FOXP1: variants seen among roughly 807,000 people sequenced by gnomAD.
FOXP1 encodes the protein forkhead box P1.
A neutral mutation model predicts 98.2 loss-of-function variants in FOXP1; 15 were observed. The observed-to-expected ratio is 0.15, with a 90% CI of 0.10 to 0.24. The LOEUF (loss-of-function observed/expected upper bound fraction) is 0.24. Among genes scored for constraint, FOXP1 ranks in the 10% least tolerant of loss-of-function variants. The pLI is 1.00. For synonymous variants in FOXP1, 371 were observed against 314.5 expected (o/e 1.18, Z -1.90); for missense variants, 633 against 848.5 (o/e 0.75, Z 3.15).
chr3:71,125,051 G>A lies in FOXP1; in HGVS notation c.181-12414C>T, dbSNP rs2059061951. 2.6e-5 allele frequency among the ~76,000 whole-genome samples: 4 copies of A among 152,160 alleles called. No individual in the cohort carries two copies. The South Asian group carries it at 8.3e-4, about 32-fold the overall frequency. Reference sequence around the variant, plus strand: ...GGTGAGAATCCTGGCTCTTTCCAATGGCAAATGTACTTGAGCAACTATGAC... The same window carrying A: ...GGTGAGAATCCTGGCTCTTTCCAATAGCAAATGTACTTGAGCAACTATGAC... On this transcript the variant is annotated intron_variant, in intron 6 of 20. Transcript: ENST00000649528.
intron 2 of FOXP1, among the ~76,000 whole-genome samples, chr3:71,516,499 A>G (rs2042591330): frequency 6.6e-6 from 1 of 152,192 alleles, no homozygotes; most frequent in African/African-American, 2.4e-5. Flanking sequence ...TTCCTAAAAT[A>G]TATTATCTTG....
chr3:71,209,181 A>C (rs941803625), intron 5 of FOXP1, among the ~76,000 whole-genome samples: 3 of 152,206 alleles, frequency 2.0e-5, no homozygotes, highest in Non-Finnish European at 2.9e-5. Context: ...CTCAGTCAAT[A>C]CCCTTTTATT....
At chr3:71,357,466 T>C (rs75764230) in intron 4 of FOXP1, among the ~76,000 whole-genome samples, 2,074 of 152,322 alleles carry the variant, frequency 0.014, 87 homozygotes, top group East Asian at 0.13. Flanking sequence ...ATTAAACATG[T>C]AAGCAAAATT....
intron 4 of FOXP1, among the ~76,000 whole-genome samples, chr3:71,352,482 A>AC (rs1553854476): frequency 6.7e-6 from 1 of 148,204 alleles, no homozygotes; most frequent in Non-Finnish European, 1.5e-5. Flanking sequence ...AAAAAAAAAA[A>AC]AAAAAAAAAA....
intron 4 of FOXP1, among the ~76,000 whole-genome samples, chr3:71,301,344 A>G (rs1397075507): frequency 6.6e-6 from 1 of 152,170 alleles, no homozygotes; most frequent in Admixed American, 6.5e-5. Flanking sequence ...AGAAAGAAAA[A>G]CAGAGCAAAG....
At chr3:71,269,515 T>C (rs2070115577) in intron 5 of FOXP1, among the ~76,000 whole-genome samples, 1 of 152,186 alleles carries the variant, frequency 6.6e-6, no homozygotes, top group Non-Finnish European at 1.5e-5. Flanking sequence ...CTCCCCACTC[T>C]TCTAAGTAAG....
chr3:71,144,726 C>G (rs571446884), intron 6 of FOXP1, among the ~76,000 whole-genome samples: 1 of 152,168 alleles, frequency 6.6e-6, no homozygotes, highest in South Asian at 2.1e-4. Context: ...CAGGGGGGTA[C>G]AGAGTATGAG....
In FOXP1 at chr3:71,166,228, G is replaced by A. The variant is rs148637114; in HGVS notation, c.180+31974C>T. ...AAGAAAAGGCAGCCCTTGCCTTCAA[G>A]GAGCTTACAGTCTTATGAGAGGAAA... On this transcript the variant is annotated intron_variant, in intron 6 of 20. Transcript: ENST00000649528. Among the ~76,000 whole-genome samples the A allele has an allele frequency of 5.9e-5, 9 of 152,242 alleles. No homozygotes were observed. The East Asian group carries it at 1.7e-3, about 29-fold the overall frequency.
At chr3:71,333,319 G>A (rs1393248421) in intron 4 of FOXP1, 3 of 152,044 alleles carry the variant, frequency 2.0e-5, no homozygotes, top group Non-Finnish European at 4.4e-5. Flanking sequence ...CAGCCACCCT[G>A]CTAAAAGTTC....
intron 7 of FOXP1, among the ~76,000 whole-genome samples, chr3:71,063,998 G>C (rs187304644): frequency 6.6e-6 from 1 of 152,282 alleles, no homozygotes; most frequent in Non-Finnish European, 1.5e-5. Flanking sequence ...TCTGACAGTT[G>C]AGTTAGCTAC....
intron 3 of FOXP1, among the ~76,000 whole-genome samples, chr3:71,429,257 C>A (rs1262406837): frequency 1.3e-5 from 2 of 152,088 alleles, no homozygotes; most frequent in Non-Finnish European, 2.9e-5. Context: ...ATGGGAGGGT[C>A]TGGGTTCTGT....
At chr3:71,457,727 A>AT (rs2108523727) in intron 3 of FOXP1, among the ~76,000 whole-genome samples, 1 of 152,334 alleles carries the variant, frequency 6.6e-6, no homozygotes, top group South Asian at 2.1e-4. Context: ...CTGGGTCAAA[A>AT]TTTGCAGTTG....
chr3:70,958,968 G>A lies in FOXP1; in HGVS notation c.*279C>T. The A allele has an allele frequency of 4.5e-6, 2 of 448,328 alleles. No homozygotes were observed. The highest frequency in any genetic ancestry group is 4.0e-5 in the East Asian group (1 of 25,272). 27.8% of individuals were successfully genotyped at this position (448,328 alleles called of 1,614,324 possible). On this transcript the variant is annotated 3_prime_UTR_variant, in exon 21 of 21. Coordinates refer to ENST00000649528, the MANE Select transcript of FOXP1 (RefSeq NM_001349338.3). ...AGTTTAGCAAATTTACAACACTGAT[G>A]TTGACGGTTAAGAGAGGAAAATCCC...
chr3:71,522,846 C>T (rs913724697), intron 2 of FOXP1, among the ~76,000 whole-genome samples: 1 of 152,206 alleles, frequency 6.6e-6, no homozygotes, highest in African/African-American at 2.4e-5. Context: ...TGCCATGTCT[C>T]TTTCCCATGG....
intron 3 of FOXP1, among the ~76,000 whole-genome samples, chr3:71,414,784 A>AT (rs2083083574): frequency 6.6e-6 from 1 of 152,246 alleles, no homozygotes; most frequent in African/African-American, 2.4e-5. Context: ...AAAGACAATC[A>AT]CAGAGCATGC....
At chr3:71,392,378 A>G (rs1219640751) in intron 3 of FOXP1, among the ~76,000 whole-genome samples, 1 of 152,240 alleles carries the variant, frequency 6.6e-6, no homozygotes, top group Non-Finnish European at 1.5e-5. Flanking sequence ...CTCTAAAAAT[A>G]TAACAGTCGC....
chr3:70,959,229 GT>G lies in FOXP1; in HGVS notation c.*17del. 6.2e-7 allele frequency: 1 copy of G among 1,612,840 alleles called. No homozygotes were observed. The highest frequency in any genetic ancestry group is 8.5e-7 in the Non-Finnish European group (1 of 1,179,456). ...CCTTTTTCCAATCTTCATTCTCGGG[GT>G]TGGCCCGCCCCGATAGTCACTCCAT... On this transcript the variant is annotated 3_prime_UTR_variant, in exon 21 of 21. Coordinates refer to ENST00000649528, the MANE Select transcript of FOXP1 (RefSeq NM_001349338.3).
At chr3:71,504,535 A>C (rs2041661594) in intron 2 of FOXP1, among the ~76,000 whole-genome samples, 1 of 152,252 alleles carries the variant, frequency 6.6e-6, no homozygotes, top group Non-Finnish European at 1.5e-5. Context: ...TTAAAAAATA[A>C]AACCAAACTT....
intron 11 of FOXP1, among the ~76,000 whole-genome samples, chr3:71,036,947 T>C (rs1408222631): frequency 1.3e-5 from 2 of 152,264 alleles, no homozygotes. Context: ...TATTCACTTC[T>C]ATGCTGAATG....
Sources: gnomAD v4.1 joint callset for allele counts (sites outside exome capture counted in the v4.1 genomes callset) on GRCh38, gnomAD v4.1.1 for gene constraint, MANE v1.5 for transcripts, NCBI Gene and HGNC (gene_info 2026-07-23, HGNC 2026-07-21) for gene names.